Variants in TCF4 observed in about 807,000 individuals in gnomAD.
TCF4 encodes the protein SL3-3 enhancer factor 2.
TCF4 carries 3 observed loss-of-function variants against 82.1 expected under a neutral mutation model. The observed-to-expected ratio is 0.04, with a 90% confidence interval of 0.02 to 0.09. The LOEUF (loss-of-function observed/expected upper bound fraction) is 0.09. Among genes scored for constraint, TCF4 ranks in the 10% least tolerant of loss-of-function variants. The pLI is 1.00. For missense variants in TCF4, 518 were observed against 852.7 expected (o/e 0.61, Z 4.89); for synonymous variants, 276 against 309.6 (o/e 0.89, Z 1.14).
At chr18:55,433,167 T>C (rs545222032) in intron 5 of TCF4, among the ~76,000 whole-genome samples, 1 of 152,304 alleles carries the variant, frequency 6.6e-6, no homozygotes, top group East Asian at 1.9e-4. Context: ...TAAGAACACA[T>C]GTTGCAGAGT....
intron 15 of TCF4, among the ~76,000 whole-genome samples, chr18:55,235,854 A>G (rs1261070): frequency 0.94 from 143,138 of 152,220 alleles, 67,389 homozygotes; most frequent in East Asian, 1. Context: ...AAGGAGAATC[A>G]TCACTCTTGT....
Position 55,536,341 on chromosome 18 carries a change from A to G in TCF4, c.145+48939T>C, listed in dbSNP as rs138694109. Among the ~76,000 whole-genome samples the G allele has an allele frequency of 3.8e-3, 573 of 152,346 alleles. 3 individuals carry two copies. Among genetic ancestry groups the G allele is most frequent in the African/African-American group, 0.013 (560 of 41,590 alleles). ...CAAACGTACATTCATATTTAACAAC[A>G]GTAAGGGTGGGAGGAGGAACTGTGA... is the stretch of plus-strand genomic sequence containing the variant. On this transcript the variant is annotated intron_variant, in intron 3 of 19. Coordinates refer to ENST00000354452, the MANE Select transcript of TCF4 (RefSeq NM_001083962.2).
chr18:55,398,379 T>C (rs554348432), intron 6 of TCF4, among the ~76,000 whole-genome samples: 89 of 152,284 alleles, frequency 5.8e-4, no homozygotes, highest in African/African-American at 2.0e-3. Flanking sequence ...TACATTTCAA[T>C]GTTCGGACCA....
At chr18:55,356,696 C>A (rs569544073) in intron 6 of TCF4, among the ~76,000 whole-genome samples, 1 of 152,190 alleles carries the variant, frequency 6.6e-6, no homozygotes, top group East Asian at 1.9e-4. Context: ...TTGTGTTTTG[C>A]CACTTACGAG....
intron 5 of TCF4, among the ~76,000 whole-genome samples, chr18:55,406,190 A>G (rs1046498025): frequency 7.1e-6 from 1 of 140,522 alleles, no homozygotes; most frequent in African/African-American, 2.7e-5. Flanking sequence ...TGTAGCATCC[A>G]CTTTTACCAT....
chr18:55,585,842 G>C, intron 2 of TCF4: 1 of 1,154,592 alleles, frequency 8.7e-7, no homozygotes, highest in East Asian at 4.7e-5. Flanking sequence ...TCTCTAACAG[G>C]AGAGCAATTT....
At chr18:55,470,775 C>G (rs772504517) in intron 3 of TCF4, among the ~76,000 whole-genome samples, 3 of 152,094 alleles carry the variant, frequency 2.0e-5, no homozygotes, top group Non-Finnish European at 4.4e-5. Context: ...TCTACAGATT[C>G]CTGCTCTTGT....
At chr18:55,252,212 G>C (rs1239446388) in intron 15 of TCF4, among the ~76,000 whole-genome samples, 4 of 152,040 alleles carry the variant, frequency 2.6e-5, no homozygotes, top group Non-Finnish European at 5.9e-5. Flanking sequence ...TTGGTTCAAA[G>C]GGCAGCAGGG....
chr18:55,383,852 T>A (rs934547311), intron 6 of TCF4: 2 of 152,246 alleles, frequency 1.3e-5, no homozygotes, highest in African/African-American at 4.8e-5. Flanking sequence ...ATGAATGATG[T>A]GACCCAGCAT....
intron 3 of TCF4, among the ~76,000 whole-genome samples, chr18:55,519,613 T>C (rs2096916755): frequency 6.6e-6 from 1 of 152,064 alleles, no homozygotes; most frequent in African/African-American, 2.4e-5. Flanking sequence ...CCTATGTAAA[T>C]TCATAATATG....
intron 5 of TCF4, among the ~76,000 whole-genome samples, chr18:55,430,009 G>T (rs1432838069): frequency 6.6e-6 from 1 of 152,016 alleles, no homozygotes; most frequent in Non-Finnish European, 1.5e-5. Flanking sequence ...ACGACTGGGG[G>T]TTACCAGACA....
chr18:55,281,832 C>T (rs2062673114), intron 8 of TCF4, among the ~76,000 whole-genome samples: 1 of 151,748 alleles, frequency 6.6e-6, no homozygotes, highest in African/African-American at 2.4e-5. Flanking sequence ...TATAATCAAG[C>T]TCAAATATCT....
intron 8 of TCF4, among the ~76,000 whole-genome samples, chr18:55,309,411 T>A (rs1436629449): frequency 6.6e-6 from 1 of 152,144 alleles, no homozygotes; most frequent in Non-Finnish European, 1.5e-5. Context: ...CATAAGCCAC[T>A]GTGCCTGGCC....
chr18:55,521,507 C>A (rs1402977429), intron 3 of TCF4, among the ~76,000 whole-genome samples: 1 of 152,144 alleles, frequency 6.6e-6, no homozygotes, highest in African/African-American at 2.4e-5. Context: ...GTGTTTGCTA[C>A]CTACATTATA....
intron 2 of TCF4, chr18:55,596,092 G>A (rs1236225044): frequency 1.6e-5 from 7 of 438,548 alleles, no homozygotes; most frequent in Middle Eastern, 3.4e-4. Flanking sequence ...AATTAGCCTC[G>A]AGTGATGACT....
At chr18:55,574,287 G>A (rs961579454) in intron 3 of TCF4, among the ~76,000 whole-genome samples, 3 of 152,138 alleles carry the variant, frequency 2.0e-5, no homozygotes, top group Non-Finnish European at 4.4e-5. Context: ...TTTGAAAAGT[G>A]TCCTTTGAAA....
chr18:55,307,837 A>G (rs2070885057), intron 8 of TCF4, among the ~76,000 whole-genome samples: 1 of 152,140 alleles, frequency 6.6e-6, no homozygotes. Context: ...AGTGCTCCCA[A>G]TGTCTAGACT....
In TCF4 at chr18:55,565,533, T is replaced by C. The variant is rs187159356; in HGVS notation, c.145+19747A>G. On this transcript the variant is annotated intron_variant, in intron 3 of 19. Transcript: ENST00000354452. ...CAATTCCTCTCTGGAGAAAGTATTCTCACTTTAGACTCCCAGATTTTCATA... is the reference window on the plus strand; with the variant it reads ...CAATTCCTCTCTGGAGAAAGTATTCCCACTTTAGACTCCCAGATTTTCATA... 7.2e-5 allele frequency among the ~76,000 whole-genome samples: 11 copies of C among 152,252 alleles called. No homozygotes were observed. In the East Asian group the frequency reaches 2.1e-3, roughly 29 times the overall value.
At chr18:55,441,756 T>A (rs2095442145) in intron 5 of TCF4, among the ~76,000 whole-genome samples, 1 of 152,226 alleles carries the variant, frequency 6.6e-6, no homozygotes, top group Non-Finnish European at 1.5e-5. Flanking sequence ...TTTTGCTCCT[T>A]CAATGTGGAT....
Sources: gnomAD v4.1 joint callset for allele counts (sites outside exome capture counted in the v4.1 genomes callset) on GRCh38, gnomAD v4.1.1 for gene constraint, MANE v1.5 for transcripts, NCBI Gene and HGNC (gene_info 2026-07-23, HGNC 2026-07-21) for gene names.